The following LMF1 variants were observed in gnomAD, a reference collection of about 807,000 sequenced individuals.
LMF1 encodes transmembrane protein 112.
LMF1 carries 68 observed loss-of-function variants against 60.6 expected under a neutral mutation model. The ratio of observed to expected loss-of-function variants is 1.12; its 90% CI spans 0.92 to 1.37. The LOEUF (loss-of-function observed/expected upper bound fraction) is 1.37, where lower values mean the gene tolerates loss of function less well. Among genes scored for constraint, LMF1 ranks in the 40% most tolerant of loss-of-function variants. LMF1 has a pLI of 0.00. For synonymous variants in LMF1, 418 were observed against 324.7 expected (o/e 1.29, Z -3.09); for missense variants, 948 against 767.2 (o/e 1.24, Z -2.78).
chr16:964,022 C>T (rs1244091598), intron 1 of LMF1: 1 of 456,032 alleles, frequency 2.2e-6, no homozygotes, highest in Admixed American at 2.3e-5. Context: ...GGCCACCCGC[C>T]TCTCACAGGG....
chr16:877,582 C>CA (rs59286880), intron 6 of LMF1, among the ~76,000 whole-genome samples: 1,524 of 152,304 alleles, frequency 0.01, 18 homozygotes, highest in East Asian at 0.06. Flanking sequence ...AGAAACGCCA[C>CA]AACTCAACAT....
intron 1 of LMF1, among the ~76,000 whole-genome samples, chr16:968,156 A>G (rs184660518): frequency 6.6e-6 from 1 of 152,332 alleles, no homozygotes; most frequent in Admixed American, 6.5e-5. Context: ...CGCGGTGGGA[A>G]GGAGCCAGCC....
At chr16:936,311 G>A (rs1160013061) in intron 2 of LMF1, among the ~76,000 whole-genome samples, 1 of 144,672 alleles carries the variant, frequency 6.9e-6, no homozygotes, top group African/African-American at 2.6e-5. Flanking sequence ...CCCGTGGGCT[G>A]AGGAAGGTGG....
intron 3 of LMF1, chr16:931,691 G>A (rs554304546): frequency 7.0e-6 from 9 of 1,287,226 alleles, no homozygotes; most frequent in African/African-American, 1.5e-5. Context: ...AGGGAAGACA[G>A]TTCAAAGACG....
At chr16:858,389 T>A (rs377210319) in intron 10 of LMF1, among the ~76,000 whole-genome samples, 38 of 20,878 alleles carry the variant, frequency 1.8e-3, no homozygotes, top group Admixed American at 5.0e-3. Context: ...GAGTGGTGTC[T>A]CGGGACGGGT....
intron 3 of LMF1, among the ~76,000 whole-genome samples, chr16:919,538 C>T (rs2071372853): frequency 1.5e-5 from 1 of 65,672 alleles, no homozygotes; most frequent in African/African-American, 1.3e-4. Context: ...CCGGAGGCCG[C>T]TGGGGGCATT....
In LMF1 at chr16:954,431, C is replaced by T. The variant is rs147536485; in HGVS notation, c.429G>A (p.Thr143=). 3.2e-5 allele frequency: 51 copies of T among 1,612,974 alleles called. No homozygotes were observed. Among genetic ancestry groups the T allele is most frequent in the Middle Eastern group, 1.7e-4 (1 of 6,058 alleles). The part of the protein sequence containing the change: ...GLGISSFVLI[T]GCANMLLMAA... The stretch of plus-strand genomic sequence containing the variant: ...CCATGAGAAGCATGTTGGCGCAGCC[C>T]GTGATCAGTACGAAAGACGAGATGC... Residue 143 remains threonine (T), a synonymous_variant, in exon 2 of 11, where the codon ACG becomes ACA. Coordinates refer to ENST00000262301, the MANE Select transcript of LMF1 (RefSeq NM_022773.4).
chr16:974,052 A>G (rs960209767), upstream of LMF1, among the ~76,000 whole-genome samples: 1 of 151,978 alleles, frequency 6.6e-6, no homozygotes. Flanking sequence ...AAGACAACAG[A>G]CAGCCCTGCA....
At chr16:854,775 GCT>G in intron 10 of LMF1, 69 bp from the exon 11 acceptor site, 1 of 1,361,636 alleles carries the variant, frequency 7.3e-7, no homozygotes, top group Non-Finnish European at 1.0e-6. Flanking sequence ...TCCTCAGCCT[GCT>G]GCTGAGCTGC....
At chr16:909,016 T>C (rs973087741) in intron 4 of LMF1, among the ~76,000 whole-genome samples, 2 of 152,168 alleles carry the variant, frequency 1.3e-5, no homozygotes, top group Non-Finnish European at 1.5e-5. Flanking sequence ...TCCCTCTCTG[T>C]GGGTCTCCTG....
intron 10 of LMF1, among the ~76,000 whole-genome samples, chr16:858,215 C>A (rs868321973): frequency 0.019 from 1 of 52 alleles, no homozygotes; most frequent in Non-Finnish European, 0.026. Flanking sequence ...GATGGGTGTG[C>A]GTGGTGTCAC....
chr16:925,408 T>C (rs760452676), intron 3 of LMF1, among the ~76,000 whole-genome samples: 4 of 152,166 alleles, frequency 2.6e-5, no homozygotes, highest in Non-Finnish European at 5.9e-5. Flanking sequence ...AATGATCGTG[T>C]GAATGAGACA....
intron 4 of LMF1, chr16:901,518 C>G (rs1476848669): frequency 6.6e-6 from 1 of 152,176 alleles, no homozygotes; most frequent in Non-Finnish European, 1.5e-5. Flanking sequence ...TCATTAAAGG[C>G]CATCTGTTGC....
At chr16:859,780 GGATGGGTGTGCAGTGATGTCACGA>G in intron 10 of LMF1, among the ~76,000 whole-genome samples, 1 of 125,840 alleles carries the variant, frequency 7.9e-6, no homozygotes, top group East Asian at 2.4e-4. Flanking sequence ...TGGTGTCTCG[GGATGGGTGTGCAGTGATGTCACGA>G]GATGGGTGTG....
intron 4 of LMF1, chr16:899,266 G>C (rs2070744559): frequency 6.6e-6 from 1 of 152,270 alleles, no homozygotes; most frequent in African/African-American, 2.4e-5. Context: ...CGGCCTCACA[G>C]GGGGCTGCAG....
At chr16:883,608 G>A (rs747190706) in intron 5 of LMF1, among the ~76,000 whole-genome samples, 2 of 152,162 alleles carry the variant, frequency 1.3e-5, no homozygotes, top group Non-Finnish European at 2.9e-5. Context: ...CCCCAGACAG[G>A]GCTCAGCACT....
At chr16:925,028 C>T (rs747341116) in intron 3 of LMF1, among the ~76,000 whole-genome samples, 5 of 152,214 alleles carry the variant, frequency 3.3e-5, no homozygotes, top group African/African-American at 9.6e-5. Flanking sequence ...GTCAGACCCC[C>T]GTCCGCAGAG....
At chr16:867,150 G>A (rs770870761) in intron 10 of LMF1, among the ~76,000 whole-genome samples, 30 of 152,226 alleles carry the variant, frequency 2.0e-4, no homozygotes, top group Non-Finnish European at 3.4e-4. Flanking sequence ...GAGATGTGCC[G>A]TGTGGCAGTG....
chr16:868,555 A>G (rs905242567), intron 10 of LMF1, among the ~76,000 whole-genome samples: 2 of 152,258 alleles, frequency 1.3e-5, no homozygotes, highest in Non-Finnish European at 2.9e-5. Context: ...CCAGTTCACC[A>G]TGGACCCCTG....
Sources: gnomAD v4.1 joint callset for allele counts (sites outside exome capture counted in the v4.1 genomes callset) on GRCh38, gnomAD v4.1.1 for gene constraint, MANE v1.5 for transcripts, NCBI Gene and HGNC (gene_info 2026-07-23, HGNC 2026-07-21) for gene names.